The following GLI2 variants were observed in gnomAD, a reference collection of about 807,000 sequenced individuals.
The protein encoded by GLI2 is GLI family zinc finger 2.
A neutral mutation model predicts 78.9 loss-of-function variants in GLI2; 22 were observed. That is an observed-to-expected ratio of 0.28 (90% confidence interval 0.20 to 0.40). GLI2 has a LOEUF of 0.40. Among genes scored for constraint, GLI2 ranks in the 10% least tolerant of loss-of-function variants. The pLI is 1.00. For synonymous variants in GLI2, 974 were observed against 963.7 expected (o/e 1.01, Z -0.20); for missense variants, 2,097 against 2,213.2 (o/e 0.95, Z 1.05).
At chr2:120,782,251 T>C (rs1476464217) in intron 1 of GLI2, among the ~76,000 whole-genome samples, 1 of 152,190 alleles carries the variant, frequency 6.6e-6, no homozygotes, top group South Asian at 2.1e-4. Flanking sequence ...GACAGTGTCA[T>C]TGAGGCAGGC....
intron 2 of GLI2, among the ~76,000 whole-genome samples, chr2:120,923,576 A>G (rs772330200): frequency 8.6e-5 from 13 of 151,994 alleles, no homozygotes; most frequent in African/African-American, 1.2e-4. Flanking sequence ...ACACAGCAAC[A>G]CATACATATA....
At chr2:120,812,399 A>G (rs1685293151) in intron 2 of GLI2, among the ~76,000 whole-genome samples, 1 of 152,074 alleles carries the variant, frequency 6.6e-6, no homozygotes, top group South Asian at 2.1e-4. Flanking sequence ...GTTCCCGTGC[A>G]TCCTTGTCTT....
chr2:120,773,014 T>C (rs1683567519), intron 1 of GLI2, among the ~76,000 whole-genome samples: 1 of 152,238 alleles, frequency 6.6e-6, no homozygotes, highest in South Asian at 2.1e-4. Flanking sequence ...GCTCTCAATG[T>C]CTGATATCCC....
chr2:120,930,207 G>C (rs1679883288), intron 3 of GLI2, among the ~76,000 whole-genome samples: 1 of 152,210 alleles, frequency 6.6e-6, no homozygotes, highest in African/African-American at 2.4e-5. Flanking sequence ...GGCACCACCA[G>C]AAGTGTAGGA....
At chr2:120,867,376 C>G (rs1260001182) in intron 2 of GLI2, 2 of 152,442 alleles carry the variant, frequency 1.3e-5, no homozygotes, top group African/African-American at 2.4e-5. Flanking sequence ...GCCAGCCTTT[C>G]CGTTAGCCAG....
chr2:120,950,468 C>T (rs1406210439), intron 3 of GLI2, among the ~76,000 whole-genome samples: 4 of 152,146 alleles, frequency 2.6e-5, no homozygotes, highest in African/African-American at 9.6e-5. Flanking sequence ...GAGGTCACAT[C>T]GAATGGATTC....
intron 2 of GLI2, among the ~76,000 whole-genome samples, chr2:120,820,726 A>G (rs1685729056): frequency 1.3e-5 from 2 of 152,054 alleles, no homozygotes; most frequent in South Asian, 4.2e-4. Context: ...GGAAAGAGTG[A>G]GCGCTGGAGA....
Position 120,962,962 on chromosome 2 carries a change from G to A in GLI2, c.644-5752G>A, listed in dbSNP as rs530816496. 5.9e-5 allele frequency among the ~76,000 whole-genome samples: 9 copies of A among 152,300 alleles called. 1 individual carries two copies. The East Asian group carries it at 1.5e-3, about 26-fold the overall frequency. ...GCCACTCAGTTTGTAAGTAATAGGA[G>A]CCTTTCAGAGAATTCACTCCTGCAT... On this transcript the variant is annotated intron_variant, in intron 5 of 13. Transcript: ENST00000361492.
At chr2:120,740,453 G>C (rs1682497412) in intron 1 of GLI2, among the ~76,000 whole-genome samples, 1 of 147,806 alleles carries the variant, frequency 6.8e-6, no homozygotes, top group South Asian at 2.1e-4. Context: ...AAAAAAAACA[G>C]GTTGCTGGGA....
chr2:120,813,125 A>G (rs150081834), intron 2 of GLI2, among the ~76,000 whole-genome samples: 167 of 152,346 alleles, frequency 1.1e-3, no homozygotes, highest in African/African-American at 3.4e-3. Flanking sequence ...CCTGAGCACC[A>G]CTAATATGGA....
At chr2:120,984,363 C>A in intron 11 of GLI2, 108 bp from the exon 12 acceptor site, 2 of 1,168,974 alleles carry the variant, frequency 1.7e-6, no homozygotes, top group Non-Finnish European at 2.6e-6. Context: ...ACGTTGCCAG[C>A]TGGGCTCTGC....
At chr2:120,902,754 T>G (rs1292413156) in intron 2 of GLI2, among the ~76,000 whole-genome samples, 2 of 152,204 alleles carry the variant, frequency 1.3e-5, no homozygotes, top group Non-Finnish European at 2.9e-5. Flanking sequence ...CTGGTTCCTA[T>G]TTTATTAGAG....
At chr2:120,850,503 G>C (rs1360323675) in intron 2 of GLI2, among the ~76,000 whole-genome samples, 1 of 152,334 alleles carries the variant, frequency 6.6e-6, no homozygotes, top group Non-Finnish European at 1.5e-5. Context: ...AGTCATATAG[G>C]AGGGACTCAA....
chr2:120,845,501 T>C (rs1245692585), intron 2 of GLI2, among the ~76,000 whole-genome samples: 1 of 152,206 alleles, frequency 6.6e-6, no homozygotes, highest in African/African-American at 2.4e-5. Flanking sequence ...ATGCTGCAGC[T>C]GCCAGTTGGC....
intron 5 of GLI2, among the ~76,000 whole-genome samples, chr2:120,962,925 A>G (rs1230361431): frequency 6.6e-6 from 1 of 152,180 alleles, no homozygotes; most frequent in Non-Finnish European, 1.5e-5. Context: ...TTCCCCTCAC[A>G]TTACCGTATT....
At chr2:120,845,632 G>A (rs566823112) in intron 2 of GLI2, among the ~76,000 whole-genome samples, 5 of 152,302 alleles carry the variant, frequency 3.3e-5, no homozygotes, top group Admixed American at 6.5e-5. Flanking sequence ...CGGGAGCCCC[G>A]GTCAGCTTCT....
At chr2:120,875,575 C>T (rs114195032) in intron 2 of GLI2, among the ~76,000 whole-genome samples, 1,606 of 152,346 alleles carry the variant, frequency 0.011, 13 homozygotes, top group African/African-American at 0.019. Flanking sequence ...GCGGTGCTAA[C>T]AGCTGCTGCT....
intron 1 of GLI2, among the ~76,000 whole-genome samples, chr2:120,751,547 T>C (rs1264005411): frequency 6.6e-6 from 1 of 152,222 alleles, no homozygotes; most frequent in African/African-American, 2.4e-5. Context: ...ATTATTAGTG[T>C]GCATAACTTT....
intron 5 of GLI2, among the ~76,000 whole-genome samples, chr2:120,956,979 C>G (rs1681299294): frequency 6.6e-6 from 1 of 152,188 alleles, no homozygotes; most frequent in Non-Finnish European, 1.5e-5. Context: ...TTTCCCCTGC[C>G]CCCCTCAGTC....
Sources: allele counts gnomAD v4.1 joint callset (sites outside exome capture counted in the v4.1 genomes callset), GRCh38; gene constraint gnomAD v4.1.1; transcripts MANE v1.5; gene names NCBI Gene and HGNC (gene_info 2026-07-23, HGNC 2026-07-21).